PUM3: variants seen among roughly 807,000 people sequenced by gnomAD.
PUM3 encodes pumilio RNA binding family member 3.
PUM3 carries 91 observed loss-of-function variants against 84.0 expected under a neutral mutation model. The ratio of observed to expected loss-of-function variants is 1.08; its 90% CI spans 0.91 to 1.29. The LOEUF is 1.29. Among genes scored for constraint, PUM3 ranks in the 50% most tolerant of loss-of-function variants. PUM3 has a pLI of 0.00. For missense variants in PUM3, 1,067 were observed against 767.5 expected, an observed-to-expected ratio of 1.39 and a Z score of -4.61; for synonymous variants, 321 against 266.7, an observed-to-expected ratio of 1.20 and a Z score of -1.98.
In PUM3 at chr9:2,810,161, CAAATATTTCTAGGGGAA is replaced by C. The variant is rs1313669300; in HGVS notation, c.1723+166_1723+182del. Among the ~76,000 whole-genome samples the C allele has an allele frequency of 2.6e-5, 4 of 152,056 alleles. No individual in the cohort carries two copies. The East Asian group carries it at 7.7e-4, about 29-fold the overall frequency. ...AGAAAATTAAAAGAGTTCTCAGGCA[CAAATATTTCTAGGGGAA>C]AAAGCATTACCAGCAACCACTGAAT... On this transcript the variant is annotated intron_variant, in intron 16 of 17. Coordinates refer to ENST00000397885, the MANE Select transcript of PUM3 (RefSeq NM_014878.5).
chr9:2,810,125 G>C (rs1193382278), intron 16 of PUM3, among the ~76,000 whole-genome samples: 1 of 150,866 alleles, frequency 6.6e-6, no homozygotes, highest in African/African-American at 2.4e-5. Flanking sequence ...GGCGGGGGGG[G>C]TTTGGAAAAA....
chr9:2,829,961 C>T lies in PUM3; in HGVS notation c.678-13G>A, dbSNP rs1815930486. 8.2e-6 allele frequency: 13 copies of T among 1,593,468 alleles called. No homozygotes were observed. In the East Asian group the frequency reaches 2.7e-4, roughly 33 times the overall value. Reference sequence around the variant, plus strand: ...CTGTGGTTTACTTCTAAACGCAACACAATCATGGAAAAATAAATGATAGAA... The same window carrying T: ...CTGTGGTTTACTTCTAAACGCAACATAATCATGGAAAAATAAATGATAGAA... On this transcript the variant is annotated splice_polypyrimidine_tract_variant and intron_variant, in intron 7 of 17. Coordinates refer to ENST00000397885, the MANE Select transcript of PUM3 (RefSeq NM_014878.5).
rs956584798 is a variant in PUM3, at chr9:2,830,048, T to C, written c.678-100A>G. The stretch of plus-strand genomic sequence containing the variant: ...CTCCCAAGACCAACTCATCAATCTG[T>C]GTCACTCTGAGGAGTAAATGAGCTA... On this transcript the variant is annotated intron_variant, in intron 7 of 17. Transcript: ENST00000397885. The C allele has an allele frequency of 4.7e-5, 49 of 1,039,594 alleles. No homozygotes were observed. The Middle Eastern group carries it at 6.8e-4, about 14-fold the overall frequency. 64.4% of individuals were successfully genotyped at this position (1,039,594 alleles called of 1,614,324 possible).
intron 5 of PUM3, among the ~76,000 whole-genome samples, chr9:2,832,188 A>C (rs1816001411): frequency 6.6e-6 from 1 of 152,216 alleles, no homozygotes; most frequent in African/African-American, 2.4e-5. Context: ...TCTCTTAAAA[A>C]AATAAGGCTG....
chr9:2,827,085 G>C lies in PUM3; in HGVS notation c.1023C>G (p.Pro341=), dbSNP rs1465369755. 6.2e-7 allele frequency: 1 copy of C among 1,606,398 alleles called. No homozygotes were observed. Among genetic ancestry groups the C allele is most frequent in the Non-Finnish European group, 8.5e-7 (1 of 1,176,386 alleles). The change falls in exon 10 of 18, where the codon CCC becomes CCG. Residue 341 remains proline, a synonymous_variant. Coordinates refer to ENST00000397885, the MANE Select transcript of PUM3 (RefSeq NM_014878.5). ...VFLDFFTYAP[P]KLRSEMIEAI... is the part of the protein sequence containing the mutation. ...ACCAAGAACTTACTGATCTGAGTTT[G>C]GGGGGTGCATAGGTAAAAAAGTCCA...
intron 3 of PUM3, among the ~76,000 whole-genome samples, chr9:2,834,445 A>C (rs1816067052): frequency 6.6e-6 from 1 of 152,248 alleles, no homozygotes; most frequent in Non-Finnish European, 1.5e-5. Flanking sequence ...AGAATATTTT[A>C]AATATCTTTT....
intron 13 of PUM3, among the ~76,000 whole-genome samples, chr9:2,819,401 G>C (rs1470984743): frequency 6.6e-6 from 1 of 152,134 alleles, no homozygotes; most frequent in Non-Finnish European, 1.5e-5. Context: ...CACTACACTG[G>C]ACTAGAAGGA....
At chr9:2,814,648 T>A (rs993123415) in intron 13 of PUM3, among the ~76,000 whole-genome samples, 2 of 152,258 alleles carry the variant, frequency 1.3e-5, no homozygotes, top group African/African-American at 4.8e-5. Flanking sequence ...GTTATATATT[T>A]TGTTAATTTG....
At chr9:2,822,122 T>C (rs896559131) in intron 12 of PUM3, among the ~76,000 whole-genome samples, 5 of 152,122 alleles carry the variant, frequency 3.3e-5, no homozygotes, top group African/African-American at 9.7e-5. Context: ...TGGTACAGAA[T>C]TGAATGTAAG....
intron 17 of PUM3, among the ~76,000 whole-genome samples, chr9:2,805,576 C>T (rs1017420779): frequency 1.3e-5 from 2 of 152,120 alleles, no homozygotes; most frequent in African/African-American, 4.8e-5. Context: ...TTCAGCTTGC[C>T]ACCTACGATG....
At chr9:2,818,708 C>G (rs1431322642) in intron 13 of PUM3, among the ~76,000 whole-genome samples, 7 of 152,130 alleles carry the variant, frequency 4.6e-5, no homozygotes, top group African/African-American at 1.7e-4. Flanking sequence ...AAAGTCTTGC[C>G]AACTTGTTTC....
At chr9:2,838,697 A>G (rs1040283905) in intron 1 of PUM3, among the ~76,000 whole-genome samples, 180 bp from the exon 2 acceptor site, 2 of 152,206 alleles carry the variant, frequency 1.3e-5, no homozygotes, top group African/African-American at 4.8e-5. Context: ...TCAAATTTTA[A>G]AACTGAAAAT....
chr9:2,836,732 G>T (rs563489105), intron 3 of PUM3, among the ~76,000 whole-genome samples: 1 of 152,046 alleles, frequency 6.6e-6, no homozygotes, highest in Non-Finnish European at 1.5e-5. Flanking sequence ...CACTTAGCTG[G>T]GGACAGACTG....
intron 7 of PUM3, 77 bp from the exon 8 acceptor site, chr9:2,830,025 C>T: frequency 7.7e-7 from 1 of 1,302,326 alleles, no homozygotes; most frequent in Non-Finnish European, 1.1e-6. Flanking sequence ...ACTTACTTCT[C>T]CCAAGACCAA....
At chr9:2,821,286 T>G (rs997726135) in intron 12 of PUM3, among the ~76,000 whole-genome samples, 2 of 150,792 alleles carry the variant, frequency 1.3e-5, no homozygotes, top group African/African-American at 4.9e-5. Context: ...CTACTACTAA[T>G]ACAAAACATT....
chr9:2,806,087 A>G (rs1390328482), intron 17 of PUM3, among the ~76,000 whole-genome samples: 1 of 152,184 alleles, frequency 6.6e-6, no homozygotes, highest in African/African-American at 2.4e-5. Context: ...TAATAAACCT[A>G]TAGTATCCTT....
chr9:2,825,513 T>C (rs551542610), intron 10 of PUM3, among the ~76,000 whole-genome samples: 1 of 152,146 alleles, frequency 6.6e-6, no homozygotes, highest in African/African-American at 2.4e-5. Flanking sequence ...GACGGAGTCT[T>C]GCTCTGTCAC....
chr9:2,826,098 G>A (rs181697741), intron 10 of PUM3, among the ~76,000 whole-genome samples: 92 of 150,994 alleles, frequency 6.1e-4, no homozygotes, highest in Non-Finnish European at 1.1e-3. Flanking sequence ...TTTCCCCGAA[G>A]GTTTTTTTTT....
chr9:2,805,125 C>T (rs568668921), intron 17 of PUM3, among the ~76,000 whole-genome samples: 21 of 152,340 alleles, frequency 1.4e-4, no homozygotes, highest in African/African-American at 4.8e-4. Context: ...GGATTCACAA[C>T]AGAGTCCACC....
Sources: allele counts gnomAD v4.1 joint callset (sites outside exome capture counted in the v4.1 genomes callset), GRCh38; gene constraint gnomAD v4.1.1; transcripts MANE v1.5; gene names NCBI Gene and HGNC (gene_info 2026-07-23, HGNC 2026-07-21).